SLITRK5: variants seen among roughly 807,000 people sequenced by gnomAD.
SLITRK5 encodes SLIT and NTRK like family member 5.
SLITRK5 carries 23 observed loss-of-function variants against 56.2 expected under a neutral mutation model. The observed-to-expected ratio is 0.41, with a 90% CI of 0.29 to 0.58. The LOEUF is 0.58. Among genes scored for constraint, SLITRK5 ranks in the 20% least tolerant of loss-of-function variants. SLITRK5 has a pLI of 0.30. For missense variants in SLITRK5, 1,289 were observed against 1,226.6 expected, an observed-to-expected ratio of 1.05 and a Z score of -0.76; for synonymous variants, 637 against 531.8, an observed-to-expected ratio of 1.20 and a Z score of -2.72.
At position 87,678,542 on chromosome 13, in the gene SLITRK5, G is replaced by A; in HGVS notation, c.*277G>A. ...TTTAAGGAGGCCAATTTGCTGCGCG[G>A]GTGACCTGTGAAAGGTCACAGTCAT... On this transcript the variant is annotated 3_prime_UTR_variant, in exon 2 of 2. Coordinates refer to ENST00000683689, the MANE Select transcript of SLITRK5 (RefSeq NM_001384609.1). The A allele has an allele frequency of 2.4e-6, 1 of 423,230 alleles. No homozygotes were observed. The highest frequency in any genetic ancestry group is 4.4e-6 in the Non-Finnish European group (1 of 229,016). 26.2% of individuals were successfully genotyped at this position (423,230 alleles called of 1,614,324 possible). A position where few individuals can be genotyped will look rare whatever the true frequency, so the allele number is the denominator to read the frequency against.
In SLITRK5 at chr13:87,677,199, G is replaced by A. The variant is rs1429114526; in HGVS notation, c.1811G>A (p.Arg604His). The A allele has an allele frequency of 2.5e-6, 4 of 1,614,036 alleles. No homozygotes were observed. The highest frequency in any genetic ancestry group is 1.1e-5 in the South Asian group (1 of 91,084). Reference protein sequence around the residue: ...APKKFAETDMRSIKSELLCPD... With the variant: ...APKKFAETDMHSIKSELLCPD... ...AAAAAATTCGCTGAGACCGACATGC[G>A]CTCCATTAAGTCGGAGCTGCTGTGC... The change falls in exon 2 of 2, where the codon CGC (arginine) becomes CAC (histidine). Residue 604 changes from arginine to histidine, a missense_variant. Arg to His is a conservative substitution (Grantham distance 29, BLOSUM62 0). Transcript: ENST00000683689. This position sits in a 1 kb window ranked among gnomAD's most constrained non-coding sequence, Gnocchi z 4.7.
At position 87,677,779 on chromosome 13, in the gene SLITRK5, GCCGCCGCCGCCA is replaced by G; in HGVS notation, c.2396_2407del (p.Pro799_Pro802del). The G allele has an allele frequency of 1.2e-6, 2 of 1,607,798 alleles. No individual in the cohort carries two copies. The highest frequency in any genetic ancestry group is 1.7e-6 in the Non-Finnish European group (2 of 1,177,156). The stretch of plus-strand genomic sequence containing the variant: ...ACCACCACCTGCAGCAGCAGCAGCA[GCCGCCGCCGCCA>G]CCGCAGCAGCCACAGCAGCAGCCCC... On this transcript the variant is annotated inframe_deletion, in exon 2 of 2. Transcript: ENST00000683689. This position sits in a 1 kb window ranked among gnomAD's most constrained non-coding sequence, Gnocchi z 4.7.
In SLITRK5 at chr13:87,676,881, C is replaced by G; in HGVS notation, c.1493C>G (p.Ser498Cys). Residue 498 changes from serine to cysteine, a missense_variant, in exon 2 of 2, where the codon TCT (serine) becomes TGT (cysteine). Around this residue, in one of 3 missense-constraint regions of SLITRK5, gnomAD observed 985 missense variants for 906.0 expected, o/e 1.09. Coordinates refer to ENST00000683689, the MANE Select transcript of SLITRK5 (RefSeq NM_001384609.1). ...LQYNLIREIQ[S>C]GTFDPVPNLQ... ...TACAATCTCATCCGCGAGATTCAGT[C>G]TGGAACTTTTGACCCGGTCCCAAAC... 6.2e-7 allele frequency: 1 copy of G among 1,614,168 alleles called. No homozygotes were observed. Among genetic ancestry groups the G allele is most frequent in the African/African-American group, 1.3e-5 (1 of 75,048 alleles).
rs1343629169 is a variant in SLITRK5 at position 87,678,886 on chromosome 13, G to A, written c.*621G>A. On this transcript the variant is annotated 3_prime_UTR_variant, in exon 2 of 2. Transcript: ENST00000683689. ...AAAAAAAGTATTGTGATCCTGTAAA[G>A]GATCACCATAGATGTGGACAAATCA... 6.0e-6 allele frequency: 1 copy of A among 166,152 alleles called. No homozygotes were observed. The highest frequency in any genetic ancestry group is 2.0e-4 in the East Asian group (1 of 5,118). 10.3% of individuals were successfully genotyped at this position (166,152 alleles called of 1,614,324 possible). A position where few individuals can be genotyped will look rare whatever the true frequency, so the allele number is the denominator to read the frequency against.
chr13:87,673,500 G>A (rs1336748814), intron 1 of SLITRK5: 4 of 1,189,776 alleles, frequency 3.4e-6, no homozygotes, highest in East Asian at 5.7e-5. Context: ...GGAAGCACAG[G>A]GAGGGAGGGG....
chr13:87,672,856 T>G (rs1361829030), intron 1 of SLITRK5: 2 of 16,876 alleles, frequency 1.2e-4, no homozygotes, highest in Non-Finnish European at 3.0e-4. Context: ...GCAAAAGAGG[T>G]GTGTGTGTGT....
Position 87,675,485 on chromosome 13 carries a change from C to G in SLITRK5, c.97C>G (p.Leu33Val). The G allele has an allele frequency of 6.2e-7, 1 of 1,614,190 alleles. No individual in the cohort carries two copies. The highest frequency in any genetic ancestry group is 8.5e-7 in the Non-Finnish European group (1 of 1,180,032). Residue 33 changes from leucine to valine, a missense_variant, in exon 2 of 2, where the codon CTC (leucine) becomes GTC (valine). Leu to Val is a conservative substitution (Grantham distance 32). Around this residue, in one of 3 missense-constraint regions of SLITRK5, gnomAD observed 291 missense variants for 286.7 expected, o/e 1.02. Transcript: ENST00000683689. Reference sequence around the variant, plus strand: ...GACTCTAGCGTTTGCTGTAACATCTCTCGTCCTTTCGTGTGCAGAAACCAT... The same window carrying G: ...GACTCTAGCGTTTGCTGTAACATCTGTCGTCCTTTCGTGTGCAGAAACCAT... ...LQTLAFAVTS[L>V]VLSCAETIDY...
chr13:87,674,360 C>T lies in SLITRK5; in HGVS notation c.-8-1021C>T, dbSNP rs560218591. ...GGGGATGCTGTCGAGGTGGTAGTTC[C>T]GTGCAAACCTTGCTATTACCGTTGC... On this transcript the variant is annotated intron_variant, in intron 1 of 1. Transcript: ENST00000683689. 8 of 983,808 alleles carry T rather than the reference C, an allele frequency of 8.1e-6. No individual in the cohort carries two copies. The South Asian group carries it at 3.3e-4, about 40-fold the overall frequency. The allele number at this position is 983,808 out of a possible 1,614,324, so 60.9% of individuals were successfully genotyped here.
At chr13:87,674,166 C>T (rs1330234963) in intron 1 of SLITRK5, among the ~76,000 whole-genome samples, 1 of 152,056 alleles carries the variant, frequency 6.6e-6, no homozygotes, top group Non-Finnish European at 1.5e-5. Flanking sequence ...CATATTGATT[C>T]CTGTGGGAGA....
Position 87,676,436 on chromosome 13 carries a change from T to C in SLITRK5, c.1048T>C (p.Ser350Pro). ...GGTGCGCCCCACCTCTCGGCAGCCC[T>C]CTAAGGACTTGGGCTACAGCAACTA... is the stretch of plus-strand genomic sequence containing the variant. ...PRVRPTSRQP[S>P]KDLGYSNYGP... Residue 350 changes from serine (S) to proline (P), a missense_variant, in exon 2 of 2, where the codon TCT becomes CCT. By Grantham distance (74) the Ser-to-Pro change is moderately conservative. Transcript: ENST00000683689. 2 of 1,614,014 alleles carry C rather than the reference T, an allele frequency of 1.2e-6. No individual in the cohort carries two copies. Among genetic ancestry groups the C allele is most frequent in the Non-Finnish European group, 1.7e-6 (2 of 1,179,972 alleles).
chr13:87,677,697 G>A lies in SLITRK5; in HGVS notation c.2309G>A (p.Gly770Asp). 1.2e-6 allele frequency: 2 copies of A among 1,606,854 alleles called. No individual in the cohort carries two copies. The highest frequency in any genetic ancestry group is 1.7e-6 in the Non-Finnish European group (2 of 1,174,346). ...CKNPIYRSRE[G>D]NSVEDYKDLH... ...AACCCCATCTACCGCTCCCGAGAGG[G>A]CAACTCCGTAGAGGATTACAAAGAC... Residue 770 changes from glycine (G) to aspartate (D), a missense_variant, in exon 2 of 2, where the codon GGC (glycine) becomes GAC (aspartate). Physicochemically the swap from Gly to Asp is moderately conservative, Grantham distance 94. Coordinates refer to ENST00000683689, the MANE Select transcript of SLITRK5 (RefSeq NM_001384609.1). The surrounding 1 kb of genome is among the most constrained non-coding windows in gnomAD (Gnocchi z 4.7).
intron 1 of SLITRK5, among the ~76,000 whole-genome samples, chr13:87,674,905 A>G (rs1261652598): frequency 7.0e-6 from 1 of 142,534 alleles, no homozygotes; most frequent in Non-Finnish European, 1.5e-5. Flanking sequence ...CTCTGTGAAC[A>G]TGAGAGACCT....
In SLITRK5 at chr13:87,677,793, CGCAGCAGCCACA is replaced by C. The variant is rs753290353; in HGVS notation, c.2415_2426del (p.Gln806_Pro809del). The stretch of plus-strand genomic sequence containing the variant: ...CAGCAGCAGCAGCCGCCGCCGCCAC[CGCAGCAGCCACA>C]GCAGCAGCCCCCGCCGCAGCTGCAG... On this transcript the variant is annotated inframe_deletion, in exon 2 of 2. Coordinates refer to ENST00000683689, the MANE Select transcript of SLITRK5 (RefSeq NM_001384609.1). The surrounding 1 kb of genome is among the most constrained non-coding windows in gnomAD (Gnocchi z 4.7). The C allele has an allele frequency of 1.1e-5, 17 of 1,608,520 alleles. No individual in the cohort carries two copies. In the African/African-American group the frequency reaches 1.2e-4, roughly 11 times the overall value.
At position 87,671,373 on chromosome 13, in the gene SLITRK5, C is replaced by A. The variant is rs972224566; in HGVS notation, c.-845C>A. 1 of 152,272 alleles carries A rather than the reference C, an allele frequency of 6.6e-6. No individual in the cohort carries two copies. Among genetic ancestry groups the A allele is most frequent in the Non-Finnish European group, 1.5e-5 (1 of 68,144 alleles). The allele number at this position is 152,272 out of a possible 1,614,324, so 9.4% of individuals were successfully genotyped here. ...CCCTCGGCTGCCATCTATCGGCCAC[C>A]GAGCGCCCGCTTCGCCCCGGGCCCA... is the stretch of plus-strand genomic sequence containing the variant. On this transcript the variant is annotated 5_prime_UTR_variant, in exon 1 of 2. Coordinates refer to ENST00000683689, the MANE Select transcript of SLITRK5 (RefSeq NM_001384609.1).
rs764777405 is a variant in SLITRK5, at chr13:87,677,891, G to A, written c.2503G>A (p.Val835Ile). 2 of 1,612,834 alleles carry A rather than the reference G, an allele frequency of 1.2e-6. No individual in the cohort carries two copies. Among genetic ancestry groups the A allele is most frequent in the African/African-American group, 1.3e-5 (1 of 75,038 alleles). ...SHHLRSPAYSVSTIEPREDLL... is the reference protein window; with the variant it reads ...SHHLRSPAYSISTIEPREDLL... The stretch of plus-strand genomic sequence containing the variant: ...CCACTTGCGGAGCCCCGCCTACAGC[G>A]TCAGCACCATCGAGCCCCGGGAGGA... The change falls in exon 2 of 2, where the codon GTC becomes ATC. Residue 835 changes from valine to isoleucine, a missense_variant. Physicochemically the swap from Val to Ile is conservative, Grantham distance 29. Transcript: ENST00000683689. The surrounding 1 kb of genome is among the most constrained non-coding windows in gnomAD (Gnocchi z 4.7).
intron 1 of SLITRK5, among the ~76,000 whole-genome samples, 199 bp downstream of exon 1, chr13:87,672,408 C>T (rs1437809765): frequency 1.3e-5 from 2 of 151,686 alleles, no homozygotes; most frequent in East Asian, 2.0e-4. Flanking sequence ...CGCTCCGTGC[C>T]TCCCCTCCCA....
In SLITRK5 at chr13:87,679,215, T is replaced by A. The variant is rs1877435393; in HGVS notation, c.*950T>A. 6.0e-6 allele frequency: 1 copy of A among 167,094 alleles called. No individual in the cohort carries two copies. Among genetic ancestry groups the A allele is most frequent in the South Asian group, 2.1e-4 (1 of 4,836 alleles). The allele number at this position is 167,094 out of a possible 1,614,324, so 10.4% of individuals were successfully genotyped here. The stretch of plus-strand genomic sequence containing the variant: ...GCATTTTCTTTTAAGAAAACAGAGC[T>A]GATTGTATCCCAATGTATTTTAAAA... On this transcript the variant is annotated 3_prime_UTR_variant, in exon 2 of 2. Coordinates refer to ENST00000683689, the MANE Select transcript of SLITRK5 (RefSeq NM_001384609.1).
At position 87,677,241 on chromosome 13, in the gene SLITRK5, T is replaced by C. The variant is rs889373990; in HGVS notation, c.1853T>C (p.Val618Ala). ...SELLCPDYSD[V>A]VVSTPTPSSI... is the part of the protein sequence containing the mutation. ...CTGCTGTGCCCTGACTATTCAGATGTAGTAGTTTCCACGCCCACACCCTCC... is the reference window on the plus strand; with the variant it reads ...CTGCTGTGCCCTGACTATTCAGATGCAGTAGTTTCCACGCCCACACCCTCC... The change falls in exon 2 of 2, where the codon GTA becomes GCA. Residue 618 changes from valine (V) to alanine (A), a missense_variant. This residue lies in a region of SLITRK5 where 985 missense variants were observed against 906.0 expected (regional missense o/e 1.09). Transcript: ENST00000683689. This position sits in a 1 kb window ranked among gnomAD's most constrained non-coding sequence, Gnocchi z 4.7. The C allele has an allele frequency of 6.2e-7, 1 of 1,614,128 alleles. No individual in the cohort carries two copies. Among genetic ancestry groups the C allele is most frequent in the African/African-American group, 1.3e-5 (1 of 75,048 alleles).
chr13:87,673,213 T>C (rs1210124857), intron 1 of SLITRK5, among the ~76,000 whole-genome samples: 1 of 84,146 alleles, frequency 1.2e-5, no homozygotes, highest in African/African-American at 4.9e-5. Flanking sequence ...AAAAAAAAAA[T>C]CTGAGAATCT....
Sources: gnomAD v4.1 joint callset for allele counts (sites outside exome capture counted in the v4.1 genomes callset) on GRCh38, gnomAD v4.1.1 for gene constraint, gnomAD v4.1.1 regional missense constraint, Gnocchi (gnomAD v3.1) non-coding constraint, MANE v1.5 for transcripts, NCBI Gene and HGNC (gene_info 2026-07-23, HGNC 2026-07-21) for gene names.